The following SCN1A variants were observed in gnomAD, a reference collection of about 807,000 sequenced individuals.
SCN1A encodes the protein sodium voltage-gated channel alpha subunit 1, also known as sodium channel protein type 1 subunit alpha.
A neutral mutation model predicts 193.7 loss-of-function variants in SCN1A; 13 were observed. The ratio of observed to expected loss-of-function variants is 0.07; its 90% CI spans 0.04 to 0.11. The LOEUF (loss-of-function observed/expected upper bound fraction) is 0.11, where lower values mean the gene tolerates loss of function less well. SCN1A is among the 10% of genes least tolerant of loss of function. The pLI is 1.00. For missense variants in SCN1A, 1,432 were observed against 2,451.1 expected, an observed-to-expected ratio of 0.58 and a Z score of 8.78; for synonymous variants, 781 against 843.6, an observed-to-expected ratio of 0.93 and a Z score of 1.29.
intron 2 of SCN1A, among the ~76,000 whole-genome samples, chr2:166,113,866 A>G (rs1490892232): frequency 1.3e-5 from 2 of 152,186 alleles, no homozygotes; most frequent in Non-Finnish European, 1.5e-5. Flanking sequence ...CCCCACAAAT[A>G]TACAAAAATT....
intron 24 of SCN1A, among the ~76,000 whole-genome samples, chr2:166,001,870 A>G (rs1574000591): frequency 7.2e-6 from 1 of 139,400 alleles, no homozygotes; most frequent in African/African-American, 2.6e-5. Flanking sequence ...TCCAGGTATA[A>G]TTCTCTCTCT....
At chr2:166,032,244 G>GAC (rs1695739489) in intron 19 of SCN1A, among the ~76,000 whole-genome samples, 1 of 14,980 alleles carries the variant, frequency 6.7e-5, no homozygotes, top group Non-Finnish European at 1.2e-4. Context: ...CAGAGACAGA[G>GAC]AGAGAAAATC....
At chr2:166,031,703 G>T (rs1022437105) in intron 19 of SCN1A, among the ~76,000 whole-genome samples, 1 of 151,986 alleles carries the variant, frequency 6.6e-6, no homozygotes, top group Non-Finnish European at 1.5e-5. Context: ...AATGCAACTG[G>T]TAACAATAAT....
intron 19 of SCN1A, among the ~76,000 whole-genome samples, chr2:166,024,736 C>T (rs1694515552): frequency 6.6e-6 from 1 of 152,172 alleles, no homozygotes; most frequent in East Asian, 1.9e-4. Flanking sequence ...AGTCACAGCT[C>T]ACTGCAGCCT....
intron 23 of SCN1A, among the ~76,000 whole-genome samples, chr2:166,008,402 C>T (rs1691946489): frequency 6.6e-6 from 1 of 151,028 alleles, no homozygotes; most frequent in Non-Finnish European, 1.5e-5. Context: ...AACATGTTTT[C>T]AAGTAGAATG....
intron 1 of SCN1A, among the ~76,000 whole-genome samples, chr2:166,145,251 C>CGGA (rs199824214): frequency 0.81 from 120,312 of 148,710 alleles, 49,171 homozygotes; most frequent in African/African-American, 0.94. Flanking sequence ...TGTTAGCCAC[C>CGGA]TGGTCTCGAT....
chr2:166,072,728 T>G (rs1441285066), intron 4 of SCN1A, among the ~76,000 whole-genome samples: 1 of 151,978 alleles, frequency 6.6e-6, no homozygotes, highest in Non-Finnish European at 1.5e-5. Flanking sequence ...ACAAAAAAAT[T>G]GTATAGTAAA....
chr2:166,047,077 T>C, intron 11 of SCN1A, 101 bp from the exon 12 acceptor site: 1 of 1,324,816 alleles, frequency 7.5e-7, no homozygotes, highest in Non-Finnish European at 1.1e-6. Flanking sequence ...CAGATATAAA[T>C]AGTAATTATG....
intron 18 of SCN1A, 77 bp downstream of exon 18, chr2:166,037,699 T>A: frequency 8.0e-7 from 1 of 1,253,300 alleles, no homozygotes; most frequent in Non-Finnish European, 1.2e-6. Flanking sequence ...ATGTGCACAA[T>A]GTGCAGGTTA....
In SCN1A at chr2:166,036,552, A is replaced by T. The variant is rs141789354; in HGVS notation, c.2947-22T>A. The T allele has an allele frequency of 2.0e-5, 32 of 1,610,894 alleles. No homozygotes were observed. The East Asian group carries it at 6.7e-4, about 34-fold the overall frequency. ...GGACCTTAAAAACAACAAAAACATGATTATAATTTTACACCAATGTAGGGA... is the reference window on the plus strand; with the variant it reads ...GGACCTTAAAAACAACAAAAACATGTTTATAATTTTACACCAATGTAGGGA... On this transcript the variant is annotated intron_variant, in intron 18 of 28. Coordinates refer to ENST00000674923, the MANE Select transcript of SCN1A (RefSeq NM_001165963.4).
intron 8 of SCN1A, among the ~76,000 whole-genome samples, chr2:166,052,294 T>C (rs190300435): frequency 1.3e-5 from 2 of 152,014 alleles, no homozygotes. Context: ...CTACTGAAAC[T>C]TGTCTCATAT....
intron 25 of SCN1A, among the ~76,000 whole-genome samples, 183 bp from the exon 26 acceptor site, chr2:165,998,358 A>C (rs903671887): frequency 3.3e-5 from 5 of 150,948 alleles, no homozygotes; most frequent in African/African-American, 1.2e-4. Context: ...TTTTCATGTG[A>C]AAAATATGGC....
chr2:166,023,997 G>C (rs1414957268), intron 19 of SCN1A, among the ~76,000 whole-genome samples: 2 of 152,004 alleles, frequency 1.3e-5, no homozygotes, highest in Non-Finnish European at 2.9e-5. Context: ...GGCTGGTCTT[G>C]AACTCCTGAC....
In SCN1A at chr2:166,046,754, G is replaced by A. The variant is rs1252711576; in HGVS notation, c.1377+16C>T. The A allele has an allele frequency of 6.2e-6, 10 of 1,610,312 alleles. No homozygotes were observed. Among genetic ancestry groups the A allele is most frequent in the South Asian group, 4.4e-5 (4 of 91,002 alleles). On this transcript the variant is annotated intron_variant, in intron 12 of 28. Transcript: ENST00000674923. ...GAACGATAAAAGGTCAGTGCCATGAGACAGGGCAGCTTTACCTGAGCTGCC... is the reference window on the plus strand; with the variant it reads ...GAACGATAAAAGGTCAGTGCCATGAAACAGGGCAGCTTTACCTGAGCTGCC...
chr2:166,110,380 T>G (rs1192896247), intron 2 of SCN1A, among the ~76,000 whole-genome samples: 2 of 152,136 alleles, frequency 1.3e-5, no homozygotes, highest in African/African-American at 4.8e-5. Flanking sequence ...TAAATATTCT[T>G]GAAGGAAATT....
chr2:166,086,987 A>G (rs983438438), intron 2 of SCN1A, among the ~76,000 whole-genome samples: 3 of 152,058 alleles, frequency 2.0e-5, no homozygotes, highest in African/African-American at 4.8e-5. Flanking sequence ...ACTTGGTGCT[A>G]TACTTTGGAT....
At chr2:166,011,062 A>C (rs994405346) in intron 22 of SCN1A, among the ~76,000 whole-genome samples, 1 of 151,204 alleles carries the variant, frequency 6.6e-6, no homozygotes, top group Non-Finnish European at 1.5e-5. Context: ...TGAAACCTCA[A>C]TATTACAAAC....
Position 166,036,394 on chromosome 2 carries a change from C to T in SCN1A, c.3083G>A (p.Arg1028Lys). ...CTGTTGAATAAATTCATATATTTTT[C>T]TTTTCACATAAGCTACTCCTTTGTG... is the stretch of plus-strand genomic sequence containing the variant. ...RMHKGVAYVK[R>K]KIYEFIQQSF... is the part of the protein sequence containing the mutation. Residue 1028 changes from arginine to lysine, a missense_variant, in exon 19 of 29, where the codon AGA becomes AAA. By Grantham distance (26) the Arg-to-Lys change is conservative (BLOSUM62 2). This residue lies in a region of SCN1A where 198 missense variants were observed against 225.8 expected (regional missense o/e 0.88). Coordinates refer to ENST00000674923, the MANE Select transcript of SCN1A (RefSeq NM_001165963.4). The T allele has an allele frequency of 6.3e-7, 1 of 1,598,016 alleles. No homozygotes were observed. The highest frequency in any genetic ancestry group is 2.2e-5 in the East Asian group (1 of 44,760).
chr2:166,094,937 A>G (rs74807726), intron 2 of SCN1A, among the ~76,000 whole-genome samples: 2,461 of 152,274 alleles, frequency 0.016, 40 homozygotes, highest in Middle Eastern at 0.041. Context: ...CAAAAATTGC[A>G]GTTACACTTC....
Sources: allele counts gnomAD v4.1 joint callset (sites outside exome capture counted in the v4.1 genomes callset), GRCh38; gene constraint gnomAD v4.1.1; regional missense constraint gnomAD v4.1.1; transcripts MANE v1.5; gene names NCBI Gene and HGNC (gene_info 2026-07-23, HGNC 2026-07-21).